Variants in FLVCR1 observed in about 807,000 individuals in gnomAD.
FLVCR1 encodes choline/ethanolamine transporter FLVCR1.
A neutral mutation model predicts 53.6 loss-of-function variants in FLVCR1; 34 were observed. The ratio of observed to expected loss-of-function variants is 0.63; its 90% CI spans 0.48 to 0.84. The LOEUF (loss-of-function observed/expected upper bound fraction) is 0.84. Among genes scored for constraint, FLVCR1 ranks in the 40% least tolerant of loss-of-function variants. The pLI is 0.00. For missense variants in FLVCR1, 677 were observed against 696.7 expected, an observed-to-expected ratio of 0.97 and a Z score of 0.32; for synonymous variants, 300 against 286.3, an observed-to-expected ratio of 1.05 and a Z score of -0.48.
At chr1:212,884,424 A>G (rs1572024455) in intron 4 of FLVCR1, among the ~76,000 whole-genome samples, 2 of 152,156 alleles carry the variant, frequency 1.3e-5, no homozygotes, top group East Asian at 3.8e-4. Flanking sequence ...CAAAATACAC[A>G]CACACACAAT....
Position 212,898,800 on chromosome 1 carries a change from G to A in FLVCR1, c.*3510G>A, listed in dbSNP as rs774295100. 6.6e-6 allele frequency: 1 copy of A among 152,156 alleles called. No individual in the cohort carries two copies. The highest frequency in any genetic ancestry group is 1.5e-5 in the Non-Finnish European group (1 of 68,034). 9.4% of individuals were successfully genotyped at this position (152,156 alleles called of 1,614,324 possible). ...GGTGGTAGAGCCTACTGCACACCTG[G>A]GCTAGATGGCAAAGTCTGTCGCTTC... is the stretch of plus-strand genomic sequence containing the variant. On this transcript the variant is annotated 3_prime_UTR_variant, in exon 10 of 10. Transcript: ENST00000366971.
chr1:212,891,230 G>C (rs1442441667), intron 8 of FLVCR1, among the ~76,000 whole-genome samples: 1 of 152,052 alleles, frequency 6.6e-6, no homozygotes, highest in Non-Finnish European at 1.5e-5. Context: ...CCAACATAGT[G>C]AAACCGTGTC....
rs543372843 is a variant in FLVCR1, at chr1:212,896,896, C to T, written c.*1606C>T. 38 of 123,928 alleles carry T rather than the reference C, an allele frequency of 3.1e-4. 1 individual carries two copies. The highest frequency in any genetic ancestry group is 1.9e-3 in the East Asian group (7 of 3,742). The allele number at this position is 123,928 out of a possible 1,614,324, so 7.7% of individuals were successfully genotyped here. A position where few individuals can be genotyped will look rare whatever the true frequency, so the allele number is the denominator to read the frequency against. ...AAAAAAAAAAAAAAAAAAGGCCAGG[C>T]GCAGTGCTGTGGCTCATGCCTGTAA... is the stretch of plus-strand genomic sequence containing the variant. On this transcript the variant is annotated 3_prime_UTR_variant, in exon 10 of 10. Coordinates refer to ENST00000366971, the MANE Select transcript of FLVCR1 (RefSeq NM_014053.4).
intron 8 of FLVCR1, among the ~76,000 whole-genome samples, chr1:212,889,755 CAAAAAA>C (rs386369572): frequency 1.8e-5 from 2 of 111,612 alleles, no homozygotes; most frequent in African/African-American, 3.7e-5. Flanking sequence ...GACTCTGTCT[CAAAAAA>C]AAAAAAAAAA....
chr1:212,871,853 T>TA (rs1372600726), intron 2 of FLVCR1, among the ~76,000 whole-genome samples: 11 of 152,170 alleles, frequency 7.2e-5, no homozygotes, highest in African/African-American at 2.7e-4. Flanking sequence ...CGCTAAAACT[T>TA]AGAGTGTCAG....
chr1:212,886,598 G>A (rs1475425323), intron 5 of FLVCR1, among the ~76,000 whole-genome samples: 5 of 151,984 alleles, frequency 3.3e-5, no homozygotes, highest in African/African-American at 1.2e-4. Context: ...CCAGGAGTTC[G>A]AGACCAGCTT....
chr1:212,880,810 AAAAG>A (rs1664899658), intron 3 of FLVCR1, among the ~76,000 whole-genome samples: 2 of 151,744 alleles, frequency 1.3e-5, no homozygotes, highest in Non-Finnish European at 1.5e-5. Context: ...AAAAAAAAAA[AAAAG>A]AAGTCCTGCT....
intron 1 of FLVCR1, among the ~76,000 whole-genome samples, chr1:212,860,816 A>G (rs1422239005): frequency 2.0e-5 from 3 of 152,326 alleles, no homozygotes; most frequent in Admixed American, 6.5e-5. Context: ...ACTCATACAG[A>G]TACTGGCCAG....
chr1:212,877,911 A>G (rs1370694050), intron 3 of FLVCR1, among the ~76,000 whole-genome samples: 2 of 152,226 alleles, frequency 1.3e-5, no homozygotes, highest in African/African-American at 4.8e-5. Context: ...TGGCTGGCTC[A>G]GTAACACAAG....
rs572138781 is a variant in FLVCR1, at chr1:212,893,595, C to A, written c.1526-1391C>A. On this transcript the variant is annotated intron_variant, in intron 8 of 9. Coordinates refer to ENST00000366971, the MANE Select transcript of FLVCR1 (RefSeq NM_014053.4). ...TCATGAAAGGAAGAGTTGATTAATA[C>A]GGCAAACTTCGTCACTGTCTTACTT... is the stretch of plus-strand genomic sequence containing the variant. 6.1e-4 allele frequency among the ~76,000 whole-genome samples: 93 copies of A among 152,206 alleles called. 2 individuals carry two copies. Among genetic ancestry groups the A allele is most frequent in the African/African-American group, 2.1e-3 (87 of 41,524 alleles).
rs1665355985 is a variant in FLVCR1, at chr1:212,897,012, A to G, written c.*1722A>G. ...AAGATGGTGAAACCCCATCTCTACT[A>G]AAAATACAAAAATTAGCGCAGTGGC... On this transcript the variant is annotated 3_prime_UTR_variant, in exon 10 of 10. Coordinates refer to ENST00000366971, the MANE Select transcript of FLVCR1 (RefSeq NM_014053.4). 6.6e-6 allele frequency: 1 copy of G among 151,982 alleles called. No individual in the cohort carries two copies. Among genetic ancestry groups the G allele is most frequent in the South Asian group, 2.1e-4 (1 of 4,824 alleles). The allele number at this position is 151,982 out of a possible 1,614,324, so 9.4% of individuals were successfully genotyped here.
intron 2 of FLVCR1, among the ~76,000 whole-genome samples, chr1:212,865,209 C>T (rs1326845586): frequency 6.6e-6 from 1 of 151,238 alleles, no homozygotes; most frequent in African/African-American, 2.4e-5. Flanking sequence ...ATACATGTGC[C>T]ATGTTGGTGT....
At chr1:212,881,572 A>G (rs538219683) in intron 3 of FLVCR1, among the ~76,000 whole-genome samples, 1 of 152,152 alleles carries the variant, frequency 6.6e-6, no homozygotes, top group East Asian at 1.9e-4. Context: ...CTCCTTGGCC[A>G]GACTGGTGTC....
In FLVCR1 at chr1:212,898,445, T is replaced by C. The variant is rs969828950; in HGVS notation, c.*3155T>C. 6.6e-6 allele frequency: 1 copy of C among 152,212 alleles called. No individual in the cohort carries two copies. The highest frequency in any genetic ancestry group is 1.5e-5 in the Non-Finnish European group (1 of 68,040). 9.4% of individuals were successfully genotyped at this position (152,212 alleles called of 1,614,324 possible). On this transcript the variant is annotated 3_prime_UTR_variant, in exon 10 of 10. Coordinates refer to ENST00000366971, the MANE Select transcript of FLVCR1 (RefSeq NM_014053.4). ...TGTTTTTATTTTTAAACTATCAATGTTGTTTAAAATAATCATGTACTTGTT... is the reference window on the plus strand; with the variant it reads ...TGTTTTTATTTTTAAACTATCAATGCTGTTTAAAATAATCATGTACTTGTT...
intron 3 of FLVCR1, among the ~76,000 whole-genome samples, chr1:212,879,725 T>G (rs1664869778): frequency 6.6e-6 from 1 of 152,080 alleles, no homozygotes; most frequent in South Asian, 2.1e-4. Context: ...CCAGCTAATT[T>G]TTTGTATTTT....
At chr1:212,877,118 G>A (rs1467083762) in intron 3 of FLVCR1, among the ~76,000 whole-genome samples, 1 of 141,216 alleles carries the variant, frequency 7.1e-6, no homozygotes, top group Non-Finnish European at 1.5e-5. Flanking sequence ...ATGTTTCTTG[G>A]CCACATAAAT....
At position 212,858,917 on chromosome 1, in the gene FLVCR1, G is replaced by T. The variant is rs769501862; in HGVS notation, c.465G>T (p.Leu155=). 6.2e-7 allele frequency: 1 copy of T among 1,614,244 alleles called. No homozygotes were observed. Among genetic ancestry groups the T allele is most frequent in the Non-Finnish European group, 8.5e-7 (1 of 1,180,046 alleles). ...ACTGGCTGTCCATGGTGTACATGCT[G>T]GCCTACGTGCCCCTCATCTTCCCGG... ...HIDWLSMVYM[L]AYVPLIFPAT... is the part of the protein sequence containing the mutation. The change falls in exon 1 of 10, where the codon CTG becomes CTT. Residue 155 remains leucine (L), a synonymous_variant. Coordinates refer to ENST00000366971, the MANE Select transcript of FLVCR1 (RefSeq NM_014053.4).
At chr1:212,865,989 T>G (rs1426420092) in intron 2 of FLVCR1, among the ~76,000 whole-genome samples, 1 of 82,098 alleles carries the variant, frequency 1.2e-5, no homozygotes, top group Non-Finnish European at 3.1e-5. Context: ...TGGTTTTTTT[T>G]TTTTTTTTTT....
rs553083243 is a variant in FLVCR1, at chr1:212,897,394, C to G, written c.*2104C>G. On this transcript the variant is annotated 3_prime_UTR_variant, in exon 10 of 10. Transcript: ENST00000366971. ...CAAATTAGCCGGGCATGGTGGCACACGCCTGTAGTCCCAGCTTCTTGGGAA... is the reference window on the plus strand; with the variant it reads ...CAAATTAGCCGGGCATGGTGGCACAGGCCTGTAGTCCCAGCTTCTTGGGAA... 7.3e-6 allele frequency: 1 copy of G among 136,176 alleles called. No homozygotes were observed. Among genetic ancestry groups the G allele is most frequent in the Non-Finnish European group, 1.5e-5 (1 of 64,714 alleles). 8.4% of individuals were successfully genotyped at this position (136,176 alleles called of 1,614,324 possible).
Sources: gnomAD v4.1 joint callset for allele counts (sites outside exome capture counted in the v4.1 genomes callset) on GRCh38, gnomAD v4.1.1 for gene constraint, MANE v1.5 for transcripts, NCBI Gene and HGNC (gene_info 2026-07-23, HGNC 2026-07-21) for gene names.